The following BARD1 variants were observed in gnomAD, a reference collection of about 807,000 sequenced individuals.
BARD1 encodes BRCA1-associated RING domain protein 1.
Under a neutral mutation model 77.0 loss-of-function variants are expected in BARD1, and 73 were observed. That is an observed-to-expected ratio of 0.95 (90% CI 0.79 to 1.15). BARD1 has a LOEUF of 1.15. Ranked by LOEUF, BARD1 falls within the 50% of genes most tolerant of loss-of-function variation. The pLI, the probability that BARD1 is intolerant of heterozygous loss-of-function variation, is 0.00. For synonymous variants in BARD1, 384 were observed against 338.0 expected (o/e 1.14, Z -1.49); for missense variants, 993 against 938.8 (o/e 1.06, Z -0.75).
chr2:214,792,240 GAA>G, intron 3 of BARD1, 55 bp downstream of exon 3: 1 of 1,455,788 alleles, frequency 6.9e-7, no homozygotes, highest in South Asian at 1.2e-5. Flanking sequence ...TTATGAATAT[GAA>G]TTCATCAGTT....
chr2:214,766,172 T>C (rs550710875), intron 6 of BARD1, among the ~76,000 whole-genome samples: 1 of 152,190 alleles, frequency 6.6e-6, no homozygotes, highest in Non-Finnish European at 1.5e-5. Flanking sequence ...CAGCATTTGC[T>C]TGTGACACTC....
chr2:214,751,716 A>G (rs559295537), intron 7 of BARD1, among the ~76,000 whole-genome samples: 37 of 152,290 alleles, frequency 2.4e-4, no homozygotes, highest in African/African-American at 8.9e-4. Flanking sequence ...TTTTACAGAC[A>G]TCAAATTGGC....
Position 214,728,281 on chromosome 2 carries a change from TAA to T in BARD1, c.*393_*394del, listed in dbSNP as rs754881729. The T allele has an allele frequency of 0.08, 11,639 of 146,018 alleles. 167 individuals are homozygous for T. The highest frequency in any genetic ancestry group is 0.14 in the East Asian group (1,559 of 10,820). The allele number at this position is 146,018 out of a possible 1,614,324, so 9.0% of individuals were successfully genotyped here. A position where few individuals can be genotyped will look rare whatever the true frequency, so the allele number is the denominator to read the frequency against. ...AATTGTTTGATAATATTCTGTTTAC[TAA>T]AAAAAAAAAAAAAAAAAAGGCAAGT... On this transcript the variant is annotated 3_prime_UTR_variant, in exon 11 of 11. Coordinates refer to ENST00000260947, the MANE Select transcript of BARD1 (RefSeq NM_000465.4).
intron 3 of BARD1, among the ~76,000 whole-genome samples, chr2:214,791,395 T>G (rs1222593407): frequency 6.6e-6 from 1 of 152,114 alleles, no homozygotes; most frequent in East Asian, 1.9e-4. Flanking sequence ...ATCTAACAAT[T>G]TTATATGAGC....
Position 214,755,447 on chromosome 2 carries a change from C to A in BARD1, c.1569-2892G>T, listed in dbSNP as rs1009864307. 3.3e-5 allele frequency among the ~76,000 whole-genome samples: 5 copies of A among 152,112 alleles called. No homozygotes were observed. The East Asian group carries it at 9.6e-4, about 29-fold the overall frequency. On this transcript the variant is annotated intron_variant, in intron 6 of 10. Coordinates refer to ENST00000260947, the MANE Select transcript of BARD1 (RefSeq NM_000465.4). ...TACCAAACTAGGTGTTTTGGAGGGA[C>A]ACATAAGACTTAGAAAAACACTGTC...
At chr2:214,769,756 A>G (rs1281530631) in intron 4 of BARD1, among the ~76,000 whole-genome samples, 1 of 152,166 alleles carries the variant, frequency 6.6e-6, no homozygotes, top group African/African-American at 2.4e-5. Context: ...AACAAAACAA[A>G]AAAGAAATTG....
intron 9 of BARD1, among the ~76,000 whole-genome samples, chr2:214,742,052 G>T (rs1281647600): frequency 6.6e-6 from 1 of 152,106 alleles, no homozygotes; most frequent in African/African-American, 2.4e-5. Context: ...TAATATGAAA[G>T]TTTCCTAATA....
At chr2:214,789,109 A>G (rs1223101479) in intron 3 of BARD1, among the ~76,000 whole-genome samples, 2 of 152,162 alleles carry the variant, frequency 1.3e-5, no homozygotes, top group African/African-American at 4.8e-5. Flanking sequence ...ATTTATTGTC[A>G]TTTCCTATCA....
At chr2:214,770,054 C>G (rs905992848) in intron 4 of BARD1, among the ~76,000 whole-genome samples, 3 of 152,150 alleles carry the variant, frequency 2.0e-5, no homozygotes, top group African/African-American at 7.2e-5. Context: ...CCAAAAACTG[C>G]CATTTTATTG....
intron 1 of BARD1, among the ~76,000 whole-genome samples, chr2:214,806,884 A>AAAG: frequency 6.6e-6 from 1 of 151,196 alleles, no homozygotes; most frequent in South Asian, 2.1e-4. Flanking sequence ...GGGAAAAAAA[A>AAAG]AAAAAAAAGG....
intron 4 of BARD1, 119 bp from the exon 5 acceptor site, chr2:214,769,431 G>T (rs978239620): frequency 9.7e-6 from 8 of 823,366 alleles, no homozygotes; most frequent in Non-Finnish European, 1.6e-5. Context: ...TTCTCTTAAG[G>T]CTACTGTTCA....
At chr2:214,800,838 G>A (rs1259410327) in intron 1 of BARD1, among the ~76,000 whole-genome samples, 3 of 152,102 alleles carry the variant, frequency 2.0e-5, no homozygotes, top group African/African-American at 4.8e-5. Flanking sequence ...ACTGTGGAAC[G>A]AGGCCTTCAA....
Position 214,767,535 on chromosome 2 carries a change from C to A in BARD1, c.1515G>T (p.Gly505=), listed in dbSNP as rs139721211. The change falls in exon 6 of 11, where the codon GGG becomes GGT. Residue 505 remains glycine (G), a synonymous_variant. Transcript: ENST00000260947. ...GTAACAGCTTGACTATATCCACATGCCCATTCTTGGCTGCATCGTGAAGTG... is the reference window on the plus strand; with the variant it reads ...GTAACAGCTTGACTATATCCACATGACCATTCTTGGCTGCATCGTGAAGTG... The part of the protein sequence containing the change: ...DSPLHDAAKN[G]HVDIVKLLLS... 4.7e-5 allele frequency: 76 copies of A among 1,613,972 alleles called. No homozygotes were observed. In the African/African-American group the frequency reaches 8.3e-4, roughly 18 times the overall value.
At chr2:214,796,869 T>G (rs1283363833) in intron 2 of BARD1, 192 bp downstream of exon 2, 3 of 594,566 alleles carry the variant, frequency 5.0e-6, no homozygotes, top group African/African-American at 1.9e-5. Context: ...TCATCCTCTT[T>G]GAGCTTTGGT....
intron 4 of BARD1, among the ~76,000 whole-genome samples, chr2:214,773,180 AACAC>A (rs1300590962): frequency 1.3e-5 from 2 of 152,214 alleles, no homozygotes; most frequent in Non-Finnish European, 2.9e-5. Flanking sequence ...ACTTTCCAAA[AACAC>A]ACACATAAAA....
chr2:214,802,289 AAAC>A (rs1232811489), intron 1 of BARD1, among the ~76,000 whole-genome samples: 1 of 152,146 alleles, frequency 6.6e-6, no homozygotes, highest in East Asian at 1.9e-4. Context: ...ATGAGCTATT[AAAC>A]ACTTTATTAT....
intron 9 of BARD1, among the ~76,000 whole-genome samples, chr2:214,735,067 T>C (rs1692514338): frequency 1.3e-5 from 2 of 152,226 alleles, no homozygotes; most frequent in African/African-American, 4.8e-5. Flanking sequence ...TTTCTGTTTA[T>C]ACACATTATT....
intron 9 of BARD1, chr2:214,730,995 C>T: frequency 4.6e-6 from 2 of 437,638 alleles, no homozygotes. Flanking sequence ...CTTTAGTCTA[C>T]AGCACCAAGC....
chr2:214,802,417 A>G (rs1249226981), intron 1 of BARD1, among the ~76,000 whole-genome samples: 1 of 152,186 alleles, frequency 6.6e-6, no homozygotes, highest in East Asian at 1.9e-4. Flanking sequence ...TATATTAAAT[A>G]TATTTTTGAC....
Sources: gnomAD v4.1 joint callset for allele counts (sites outside exome capture counted in the v4.1 genomes callset) on GRCh38, gnomAD v4.1.1 for gene constraint, MANE v1.5 for transcripts, NCBI Gene and HGNC (gene_info 2026-07-23, HGNC 2026-07-21) for gene names.